Variants in HKDC1 observed in about 807,000 individuals in gnomAD.
The protein encoded by HKDC1 is hexokinase HKDC1.
HKDC1 carries 66 observed loss-of-function variants against 96.6 expected under a neutral mutation model. The observed-to-expected ratio is 0.68, with a 90% confidence interval of 0.56 to 0.84. The LOEUF is 0.84. HKDC1 is among the 40% of genes least tolerant of loss of function. The probability of loss-of-function intolerance (pLI) is 0.00; values close to 1 mark genes in which losing one functional copy is unlikely to be tolerated. For synonymous variants in HKDC1, 466 were observed against 473.1 expected, an observed-to-expected ratio of 0.98 and a Z score of 0.20; for missense variants, 1,211 against 1,208.1, an observed-to-expected ratio of 1.00 and a Z score of -0.04.
At position 69,250,342 on chromosome 10, in the gene HKDC1, C is replaced by T. The variant is rs1435423394; in HGVS notation, c.1623C>T (p.Leu541=). The part of the protein sequence containing the change: ...LDLGGTNFRV[L]LVKIRSGRRS... ...TTGGGGGAACCAACTTCCGGGTCCTCCTGGTGAAGATCAGAAGTGGACGGA... is the reference window on the plus strand; with the variant it reads ...TTGGGGGAACCAACTTCCGGGTCCTTCTGGTGAAGATCAGAAGTGGACGGA... Residue 541 remains leucine (L), a synonymous_variant, in exon 11 of 18, where the codon CTC becomes CTT. Coordinates refer to ENST00000354624, the MANE Select transcript of HKDC1 (RefSeq NM_025130.4). The T allele has an allele frequency of 1.2e-6, 2 of 1,614,156 alleles. No homozygotes were observed. Among genetic ancestry groups the T allele is most frequent in the South Asian group, 2.2e-5 (2 of 91,080 alleles).
At position 69,220,345 on chromosome 10, in the gene HKDC1, TG is replaced by T; in HGVS notation, c.-89del. On this transcript the variant is annotated 5_prime_UTR_variant, in exon 1 of 18. Coordinates refer to ENST00000354624, the MANE Select transcript of HKDC1 (RefSeq NM_025130.4). ...TCGCTCCCCAGGAGGTCTGCCAGCC[TG>T]GACTGGAAGCGTGCAACACTCCAGA... 1.0e-6 allele frequency: 1 copy of T among 969,054 alleles called. No homozygotes were observed. The highest frequency in any genetic ancestry group is 1.5e-6 in the Non-Finnish European group (1 of 671,288). 60.0% of individuals were successfully genotyped at this position (969,054 alleles called of 1,614,324 possible).
intron 4 of HKDC1, among the ~76,000 whole-genome samples, chr10:69,237,277 T>TGTGTG (rs1843375516): frequency 6.9e-6 from 1 of 145,598 alleles, no homozygotes; most frequent in African/African-American, 2.5e-5. Context: ...AGAAATTTCT[T>TGTGTG]TGTGTGTGTG....
In HKDC1 at chr10:69,237,283, G is replaced by C. The variant is rs976811720; in HGVS notation, c.496-1759G>C. On this transcript the variant is annotated intron_variant, in intron 4 of 17. Transcript: ENST00000354624. Reference sequence around the variant, plus strand: ...TAACCAAAGAGAAATTTCTTTGTGTGTGTGTGTGTGTGTGTGTGTGTGTGT... The same window carrying C: ...TAACCAAAGAGAAATTTCTTTGTGTCTGTGTGTGTGTGTGTGTGTGTGTGT... Among the ~76,000 whole-genome samples the C allele has an allele frequency of 4.7e-3, 464 of 98,852 alleles. 3 individuals carry two copies. The highest frequency in any genetic ancestry group is 0.02 in the Middle Eastern group (4 of 198). The allele number at this position is 98,852 out of a possible 152,430, so 64.9% of individuals were successfully genotyped here.
chr10:69,224,114 G>A (rs1275484280), intron 1 of HKDC1, among the ~76,000 whole-genome samples: 1 of 150,878 alleles, frequency 6.6e-6, no homozygotes, highest in Non-Finnish European at 1.5e-5. Context: ...AGGCTGAGGT[G>A]GCAGGATCAC....
chr10:69,243,396 C>T (rs1005537088), intron 7 of HKDC1, 31 bp downstream of exon 7: 8 of 1,522,432 alleles, frequency 5.3e-6, no homozygotes, highest in Non-Finnish European at 7.1e-6. Context: ...ATCTGGGCAT[C>T]GGCACCAGGC....
intron 1 of HKDC1, among the ~76,000 whole-genome samples, chr10:69,226,851 G>A (rs1843165228): frequency 6.6e-6 from 1 of 152,128 alleles, no homozygotes; most frequent in Non-Finnish European, 1.5e-5. Context: ...TTTTGGTGGA[G>A]AGGAATGGGA....
In HKDC1 at chr10:69,250,387, C is replaced by G; in HGVS notation, c.1668C>G (p.Asn556Lys). The G allele has an allele frequency of 6.2e-7, 1 of 1,614,140 alleles. No individual in the cohort carries two copies. Among genetic ancestry groups the G allele is most frequent in the Non-Finnish European group, 8.5e-7 (1 of 1,179,966 alleles). The change falls in exon 11 of 18, where the codon AAC becomes AAG. Residue 556 changes from asparagine (N) to lysine (K), a missense_variant. Transcript: ENST00000354624. Reference protein sequence around the residue: ...RSGRRSVRMYNKIFAIPLEIM... With the variant: ...RSGRRSVRMYKKIFAIPLEIM... Reference sequence around the variant, plus strand: ...GACGGAGGTCAGTGCGAATGTACAACAAGATCTTCGCCATCCCCCTGGAGA... The same window carrying G: ...GACGGAGGTCAGTGCGAATGTACAAGAAGATCTTCGCCATCCCCCTGGAGA...
At position 69,243,976 on chromosome 10, in the gene HKDC1, C is replaced by T. The variant is rs191973059; in HGVS notation, c.875+611C>T. The stretch of plus-strand genomic sequence containing the variant: ...GATAGGCACTGAAGATAAGAGCACT[C>T]GGACGCTTGGCCGCAGAACACACCT... On this transcript the variant is annotated intron_variant, in intron 7 of 17. Coordinates refer to ENST00000354624, the MANE Select transcript of HKDC1 (RefSeq NM_025130.4). Among the ~76,000 whole-genome samples, 265 of 152,160 alleles carry T rather than the reference C, an allele frequency of 1.7e-3. 1 individual carries two copies. The highest frequency in any genetic ancestry group is 6.0e-3 in the African/African-American group (247 of 41,504).
chr10:69,249,322 C>CTTTCA (rs1407502591), intron 10 of HKDC1, among the ~76,000 whole-genome samples: 1 of 152,130 alleles, frequency 6.6e-6, no homozygotes, highest in Non-Finnish European at 1.5e-5. Flanking sequence ...GCTTTTGAAC[C>CTTTCA]TTTCATTTCA....
chr10:69,220,394 A>G lies in HKDC1; in HGVS notation c.-42A>G, dbSNP rs1211865511. ...AGAGTCGTAGGAGTGAACACTGCAC[A>G]GGAATCTCTGCCCATCTCAGGAGAA... On this transcript the variant is annotated 5_prime_UTR_variant, in exon 1 of 18. Transcript: ENST00000354624. 6.6e-7 allele frequency: 1 copy of G among 1,519,324 alleles called. No individual in the cohort carries two copies. Among genetic ancestry groups the G allele is most frequent in the Non-Finnish European group, 9.0e-7 (1 of 1,114,326 alleles). 94.1% of individuals were successfully genotyped at this position (1,519,324 alleles called of 1,614,324 possible). A position where few individuals can be genotyped will look rare whatever the true frequency, so the allele number is the denominator to read the frequency against.
intron 6 of HKDC1, among the ~76,000 whole-genome samples, chr10:69,241,043 A>G (rs994418910): frequency 2.0e-5 from 3 of 152,062 alleles, no homozygotes; most frequent in Non-Finnish European, 4.4e-5. Flanking sequence ...TATTAAGATA[A>G]TTTCAGGTGG....
In HKDC1 at chr10:69,227,193, G is replaced by A. The variant is rs1177414603; in HGVS notation, c.64-14G>A. 11 of 1,613,450 alleles carry A rather than the reference G, an allele frequency of 6.8e-6. No homozygotes were observed. Among genetic ancestry groups the A allele is most frequent in the Admixed American group, 3.3e-5 (2 of 59,976 alleles). On this transcript the variant is annotated splice_polypyrimidine_tract_variant and intron_variant, in intron 1 of 17. Transcript: ENST00000354624. ...CCCCCAGCAGCACCCCTTGGTGGCC[G>A]GTGTCTGTTCCAGGTGGACAGGTTC... is the stretch of plus-strand genomic sequence containing the variant.
At chr10:69,234,738 A>G (rs1162692215) in intron 4 of HKDC1, among the ~76,000 whole-genome samples, 1 of 152,174 alleles carries the variant, frequency 6.6e-6, no homozygotes, top group Non-Finnish European at 1.5e-5. Flanking sequence ...CCTAAATTCA[A>G]CAGAGGTTTT....
chr10:69,256,281 G>A (rs188115130), intron 12 of HKDC1, among the ~76,000 whole-genome samples: 4 of 152,208 alleles, frequency 2.6e-5, no homozygotes, highest in Non-Finnish European at 4.4e-5. Flanking sequence ...GTCCCATATC[G>A]AGGTACAGGA....
At chr10:69,247,041 T>C (rs1025958793) in intron 8 of HKDC1, among the ~76,000 whole-genome samples, 2 of 152,228 alleles carry the variant, frequency 1.3e-5, no homozygotes, top group African/African-American at 4.8e-5. Flanking sequence ...ACTAGCTGTG[T>C]AGCCAAGGAC....
intron 8 of HKDC1, 52 bp downstream of exon 8, chr10:69,246,286 A>G: frequency 1.9e-6 from 3 of 1,592,710 alleles, no homozygotes; most frequent in Non-Finnish European, 2.6e-6. Context: ...TGGGAGGCCC[A>G]GGTGTGGGGT....
At chr10:69,221,361 G>C (rs1451634446) in intron 1 of HKDC1, among the ~76,000 whole-genome samples, 1 of 152,078 alleles carries the variant, frequency 6.6e-6, no homozygotes, top group Non-Finnish European at 1.5e-5. Context: ...AAAGTGGGCT[G>C]GTTAAAGGTT....
chr10:69,256,246 G>A (rs1843715686), intron 12 of HKDC1, among the ~76,000 whole-genome samples: 1 of 152,226 alleles, frequency 6.6e-6, no homozygotes, highest in Admixed American at 6.5e-5. Flanking sequence ...CTCTTACAGT[G>A]TAATTCTTTA....
intron 12 of HKDC1, among the ~76,000 whole-genome samples, chr10:69,256,524 T>C (rs1001074462): frequency 5.3e-5 from 8 of 152,114 alleles, no homozygotes; most frequent in African/African-American, 1.4e-4. Context: ...CTGGCCAACA[T>C]GGTGAAACCC....
Sources: gnomAD v4.1 joint callset for allele counts (sites outside exome capture counted in the v4.1 genomes callset) on GRCh38, gnomAD v4.1.1 for gene constraint, MANE v1.5 for transcripts, NCBI Gene and HGNC (gene_info 2026-07-23, HGNC 2026-07-21) for gene names.